GRM7: variants seen among roughly 807,000 people sequenced by gnomAD.
GRM7 encodes the protein metabotropic glutamate receptor 7.
GRM7 carries 35 observed loss-of-function variants against 84.5 expected under a neutral mutation model. The observed-to-expected ratio is 0.41, with a 90% CI of 0.32 to 0.55. GRM7 has a LOEUF of 0.55. GRM7 is among the 20% of genes least tolerant of loss of function. The probability of loss-of-function intolerance (pLI) is 0.19; values close to 1 mark genes in which losing one functional copy is unlikely to be tolerated. For synonymous variants in GRM7, 487 were observed against 455.1 expected, an observed-to-expected ratio of 1.07 and a Z score of -0.89; for missense variants, 1,003 against 1,194.6, an observed-to-expected ratio of 0.84 and a Z score of 2.36.
intron 4 of GRM7, among the ~76,000 whole-genome samples, chr3:7,318,077 A>C (rs1428682892): frequency 6.6e-6 from 1 of 152,138 alleles, no homozygotes; most frequent in African/African-American, 2.4e-5. Flanking sequence ...AGGAGAAAAA[A>C]ATCACAGGCG....
At chr3:6,876,241 C>T (rs1300559141) in intron 1 of GRM7, among the ~76,000 whole-genome samples, 2 of 151,624 alleles carry the variant, frequency 1.3e-5, no homozygotes, top group Admixed American at 1.3e-4. Context: ...GCACTCCAAT[C>T]TGGGTGACAG....
chr3:7,365,609 A>T (rs1356946532), intron 4 of GRM7, among the ~76,000 whole-genome samples: 1 of 148,160 alleles, frequency 6.7e-6, no homozygotes, highest in Non-Finnish European at 1.5e-5. Context: ...TGGTCCATAC[A>T]GTAGTCTGAT....
At chr3:7,176,229 T>TAAAAAAAAAA (rs55732650) in intron 2 of GRM7, among the ~76,000 whole-genome samples, 41 of 63,140 alleles carry the variant, frequency 6.5e-4, no homozygotes, top group East Asian at 1.0e-3. Context: ...CTATAAAAAG[T>TAAAAAAAAAA]AAAAAAAAAA....
At chr3:7,161,804 T>A (rs563921671) in intron 2 of GRM7, among the ~76,000 whole-genome samples, 2 of 152,310 alleles carry the variant, frequency 1.3e-5, no homozygotes, top group Non-Finnish European at 2.9e-5. Context: ...TTAGGTGAGA[T>A]GAACGGGAGT....
chr3:7,652,968 T>C (rs1375803762), intron 8 of GRM7, among the ~76,000 whole-genome samples: 1 of 152,014 alleles, frequency 6.6e-6, no homozygotes, highest in African/African-American at 2.4e-5. Flanking sequence ...GAACTCACCA[T>C]CCCTGTTGAA....
Position 7,538,178 on chromosome 3 carries a change from C to T in GRM7, c.1516-40244C>T, listed in dbSNP as rs555119205. Among the ~76,000 whole-genome samples, 8 of 152,266 alleles carry T rather than the reference C, an allele frequency of 5.3e-5. No individual in the cohort carries two copies. In the South Asian group the frequency reaches 1.7e-3, roughly 32 times the overall value. Reference sequence around the variant, plus strand: ...AGGCTGGAGTGCAATGACACAATTTCAGCTCACTGCAACCTCTACCTCCCA... The same window carrying T: ...AGGCTGGAGTGCAATGACACAATTTTAGCTCACTGCAACCTCTACCTCCCA... On this transcript the variant is annotated intron_variant, in intron 7 of 9. Coordinates refer to ENST00000357716, the MANE Select transcript of GRM7 (RefSeq NM_000844.4).
intron 4 of GRM7, among the ~76,000 whole-genome samples, chr3:7,328,358 C>T (rs1314852799): frequency 6.6e-6 from 1 of 152,056 alleles, no homozygotes. Context: ...TTTGTGTGCC[C>T]CCAAACCATT....
chr3:7,442,851 A>G (rs887686294), intron 5 of GRM7, among the ~76,000 whole-genome samples: 2 of 152,108 alleles, frequency 1.3e-5, no homozygotes, highest in Non-Finnish European at 2.9e-5. Flanking sequence ...AGCTGACAAC[A>G]TGTTGTATAA....
chr3:7,254,074 A>C (rs767838801), intron 2 of GRM7, among the ~76,000 whole-genome samples: 1 of 152,138 alleles, frequency 6.6e-6, no homozygotes, highest in South Asian at 2.1e-4. Flanking sequence ...TTCTTTATAC[A>C]TCAGGATTAC....
At chr3:6,966,311 C>G (rs577412241) in intron 1 of GRM7, among the ~76,000 whole-genome samples, 2 of 152,244 alleles carry the variant, frequency 1.3e-5, no homozygotes, top group Non-Finnish European at 2.9e-5. Flanking sequence ...TTTGGTTGTT[C>G]TCTTTTGGAG....
chr3:7,139,569 C>A (rs1431627498), intron 1 of GRM7, among the ~76,000 whole-genome samples: 1 of 151,942 alleles, frequency 6.6e-6, no homozygotes, highest in African/African-American at 2.4e-5. Context: ...TAGATCTTTT[C>A]TCTGAAAGAA....
At chr3:6,881,920 A>AC (rs1559303768) in intron 1 of GRM7, among the ~76,000 whole-genome samples, 3 of 76,574 alleles carry the variant, frequency 3.9e-5, no homozygotes, top group African/African-American at 6.3e-5. Flanking sequence ...AGGCAATTGA[A>AC]TTGTGTGTGT....
chr3:7,661,591 C>T (rs1308124516), intron 8 of GRM7, among the ~76,000 whole-genome samples: 1 of 151,696 alleles, frequency 6.6e-6, no homozygotes, highest in African/African-American at 2.4e-5. Context: ...TCAGGAGATC[C>T]AGACCATCCT....
chr3:7,104,414 G>A (rs1330549645), intron 1 of GRM7, among the ~76,000 whole-genome samples: 1 of 151,510 alleles, frequency 6.6e-6, no homozygotes, highest in Non-Finnish European at 1.5e-5. Context: ...AAGGTATTTT[G>A]TCTTAGACTG....
intron 1 of GRM7, among the ~76,000 whole-genome samples, chr3:7,021,361 C>G (rs1407714243): frequency 4.6e-5 from 7 of 152,158 alleles, no homozygotes; most frequent in South Asian, 4.1e-4. Flanking sequence ...GTAACTTGCT[C>G]ATAACTGTCT....
chr3:7,395,898 G>A lies in GRM7; in HGVS notation c.1034-19125G>A, dbSNP rs116061838. On this transcript the variant is annotated intron_variant, in intron 4 of 9. Coordinates refer to ENST00000357716, the MANE Select transcript of GRM7 (RefSeq NM_000844.4). ...TATATTTTCAGTTTCAAATATCTAG[G>A]AGGAGAATATTCAATCTTCTCACGC... is the stretch of plus-strand genomic sequence containing the variant. Among the ~76,000 whole-genome samples, 1,478 of 152,126 alleles carry A rather than the reference G, an allele frequency of 9.7e-3. 16 individuals carry two copies. Among genetic ancestry groups the A allele is most frequent in the South Asian group, 0.023 (110 of 4,802 alleles).
chr3:7,092,406 C>T (rs1007473832), intron 1 of GRM7, among the ~76,000 whole-genome samples: 2 of 152,146 alleles, frequency 1.3e-5, no homozygotes, highest in East Asian at 3.9e-4. Context: ...GTACTTGGTA[C>T]TTTAATGAGT....
chr3:7,440,167 T>C (rs17717959), intron 5 of GRM7, among the ~76,000 whole-genome samples: 53,109 of 151,994 alleles, frequency 0.35, 10,819 homozygotes, highest in Non-Finnish European at 0.48. Context: ...GAGGCATGAA[T>C]GATTTATTTC....
intron 1 of GRM7, among the ~76,000 whole-genome samples, chr3:7,013,252 T>C (rs909474455): frequency 2.7e-5 from 4 of 150,692 alleles, no homozygotes; most frequent in Non-Finnish European, 5.9e-5. Context: ...TCTTCTCTTG[T>C]TAATCTGTCA....
Sources: gnomAD v4.1 joint callset for allele counts (sites outside exome capture counted in the v4.1 genomes callset) on GRCh38, gnomAD v4.1.1 for gene constraint, MANE v1.5 for transcripts, NCBI Gene and HGNC (gene_info 2026-07-23, HGNC 2026-07-21) for gene names.